The following SAMD12 variants were observed in gnomAD, a reference collection of about 807,000 sequenced individuals.
SAMD12 encodes sterile alpha motif domain-containing protein 12.
A neutral mutation model predicts 15.0 loss-of-function variants in SAMD12; 9 were observed. The observed-to-expected ratio is 0.60, with a 90% confidence interval of 0.36 to 1.05. The LOEUF (loss-of-function observed/expected upper bound fraction) is 1.05, where lower values mean the gene tolerates loss of function less well. Among genes scored for constraint, SAMD12 ranks in the 50% least tolerant of loss-of-function variants. The pLI, the probability that SAMD12 is intolerant of heterozygous loss-of-function variation, is 0.01. For synonymous variants in SAMD12, 86 were observed against 90.1 expected, an observed-to-expected ratio of 0.96 and a Z score of 0.25; for missense variants, 230 against 234.2, an observed-to-expected ratio of 0.98 and a Z score of 0.12.
intron 2 of SAMD12, among the ~76,000 whole-genome samples, chr8:118,519,310 C>T (rs936688561): frequency 6.6e-6 from 1 of 152,138 alleles, no homozygotes; most frequent in Non-Finnish European, 1.5e-5. Flanking sequence ...TTACTGAGCA[C>T]CTTCTATATT....
At chr8:118,169,357 TCTC>T in the SAMD12 span, among the ~76,000 whole-genome samples, 2 of 152,192 alleles carry the variant, frequency 1.3e-5, no homozygotes, top group East Asian at 1.9e-4. Context: ...CACTATTTGT[TCTC>T]CTCCTGGCTT....
chr8:118,256,409 G>A (rs1025378613), intron 4 of SAMD12, among the ~76,000 whole-genome samples: 2 of 152,022 alleles, frequency 1.3e-5, no homozygotes, highest in African/African-American at 4.8e-5. Context: ...TTGAAGCAGT[G>A]TTATTCCTGG....
chr8:118,489,345 T>C (rs911016642), intron 2 of SAMD12, among the ~76,000 whole-genome samples: 42 of 152,310 alleles, frequency 2.8e-4, no homozygotes, highest in African/African-American at 8.4e-4. Context: ...TTTTAATACA[T>C]CTACTTTATC....
At chr8:118,228,789 A>G (rs2129908918) in intron 4 of SAMD12, among the ~76,000 whole-genome samples, 1 of 152,274 alleles carries the variant, frequency 6.6e-6, no homozygotes, top group East Asian at 1.9e-4. Flanking sequence ...ACTACTGGGT[A>G]TCTACCCAGA....
At chr8:118,360,412 G>C (rs776754629) in intron 4 of SAMD12, among the ~76,000 whole-genome samples, 3 of 151,896 alleles carry the variant, frequency 2.0e-5, no homozygotes, top group Non-Finnish European at 4.4e-5. Context: ...ACAAAAGAAT[G>C]GTTTATTTAA....
chr8:118,229,912 A>T (rs931028001), intron 4 of SAMD12, among the ~76,000 whole-genome samples: 2 of 152,126 alleles, frequency 1.3e-5, no homozygotes, highest in Admixed American at 6.6e-5. Flanking sequence ...TTCAACCCTT[A>T]TGAGTTCTGG....
intron 4 of SAMD12, among the ~76,000 whole-genome samples, chr8:118,218,351 A>C (rs1378221068): frequency 6.6e-6 from 1 of 152,220 alleles, no homozygotes; most frequent in Non-Finnish European, 1.5e-5. Context: ...AAGCTAATTA[A>C]CATATCCATC....
At chr8:118,526,840 G>A (rs10464861) in intron 2 of SAMD12, among the ~76,000 whole-genome samples, 18,990 of 152,130 alleles carry the variant, frequency 0.12, 1,584 homozygotes, top group East Asian at 0.19. Context: ...GAAAAAGGAA[G>A]ACGTATGCTG....
chr8:118,565,285 T>C (rs1285316100), intron 2 of SAMD12, among the ~76,000 whole-genome samples: 4 of 152,148 alleles, frequency 2.6e-5, no homozygotes, highest in African/African-American at 7.2e-5. Flanking sequence ...GTAAACATGG[T>C]TGGGGAACAG....
At chr8:118,523,467 C>A (rs987733544) in intron 2 of SAMD12, among the ~76,000 whole-genome samples, 4 of 152,152 alleles carry the variant, frequency 2.6e-5, no homozygotes, top group Non-Finnish European at 5.9e-5. Context: ...ATCACATAGA[C>A]AATTAGAGGT....
At chr8:118,225,483 G>A (rs1309330955) in intron 4 of SAMD12, among the ~76,000 whole-genome samples, 1 of 152,202 alleles carries the variant, frequency 6.6e-6, no homozygotes, top group East Asian at 1.9e-4. Flanking sequence ...GGATCTGGGA[G>A]TGATCTGCAA....
At chr8:118,146,685 G>A in the SAMD12 span, among the ~76,000 whole-genome samples, 1 of 152,160 alleles carries the variant, frequency 6.6e-6, no homozygotes, top group African/African-American at 2.4e-5. Flanking sequence ...GAGAGAATGG[G>A]AAGCATAGAG....
chr8:118,574,338 T>G, intron 2 of SAMD12, among the ~76,000 whole-genome samples: 1 of 152,242 alleles, frequency 6.6e-6, no homozygotes, highest in East Asian at 1.9e-4. Flanking sequence ...TACTATTAAC[T>G]AAGTGGCTCC....
In SAMD12 at chr8:118,553,601, C is replaced by T. The variant is rs1826421374; in HGVS notation, c.192+27114G>A. On this transcript the variant is annotated intron_variant, in intron 2 of 3. Coordinates refer to ENST00000314727, the MANE Select transcript of SAMD12 (RefSeq NM_207506.3). ...ACCCTAGAAGAAAACCTAGGCATTA[C>T]CATTCAGGACATAGGCATGGGCAAG... is the stretch of plus-strand genomic sequence containing the variant. Among the ~76,000 whole-genome samples the T allele has an allele frequency of 2.0e-5, 3 of 149,444 alleles. No homozygotes were observed. In the South Asian group the frequency reaches 6.3e-4, roughly 31 times the overall value.
intron 3 of SAMD12, among the ~76,000 whole-genome samples, chr8:118,405,483 C>A (rs1450617023): frequency 6.6e-6 from 1 of 152,128 alleles, no homozygotes; most frequent in African/African-American, 2.4e-5. Flanking sequence ...TCTACAGTGG[C>A]AGAGGTTAGA....
At position 118,378,800 on chromosome 8, in the gene SAMD12, G is replaced by A. The variant is rs1486984915; in HGVS notation, c.*617C>T. On this transcript the variant is annotated 3_prime_UTR_variant, in exon 4 of 4. Transcript: ENST00000314727. ...CATGTAGACATATCAGTTACATATA[G>A]TGTAACTTAAGGCTTTCTTCGAATT... is the stretch of plus-strand genomic sequence containing the variant. 2 of 982,232 alleles carry A rather than the reference G, an allele frequency of 2.0e-6. No homozygotes were observed. The highest frequency in any genetic ancestry group is 1.2e-6 in the Non-Finnish European group (1 of 827,068). The allele number at this position is 982,232 out of a possible 1,614,324, so 60.8% of individuals were successfully genotyped here.
At chr8:118,276,833 TG>T (rs942588539) in intron 4 of SAMD12, among the ~76,000 whole-genome samples, 1 of 151,992 alleles carries the variant, frequency 6.6e-6, no homozygotes, top group Non-Finnish European at 1.5e-5. Context: ...ACAGCATGCC[TG>T]GCTAAGTTTT....
At chr8:118,548,702 C>A (rs143384259) in intron 2 of SAMD12, among the ~76,000 whole-genome samples, 3,094 of 152,286 alleles carry the variant, frequency 0.02, 121 homozygotes, top group African/African-American at 0.069. Flanking sequence ...GCGCACCGTG[C>A]GCGAGCCGAA....
chr8:118,380,063 T>C (rs1819595204), intron 3 of SAMD12, among the ~76,000 whole-genome samples: 1 of 152,128 alleles, frequency 6.6e-6, no homozygotes, highest in Non-Finnish European at 1.5e-5. Flanking sequence ...GGGGCTGGAT[T>C]CTCAGGCTGG....
Sources: gnomAD v4.1 joint callset for allele counts (sites outside exome capture counted in the v4.1 genomes callset) on GRCh38, gnomAD v4.1.1 for gene constraint, MANE v1.5 for transcripts, NCBI Gene and HGNC (gene_info 2026-07-23, HGNC 2026-07-21) for gene names.